CHRM3: variants seen among roughly 807,000 people sequenced by gnomAD.
CHRM3 encodes the protein muscarinic acetylcholine receptor M3.
Under a neutral mutation model 41.8 loss-of-function variants are expected in CHRM3, and 11 were observed. The ratio of observed to expected loss-of-function variants is 0.26; its 90% confidence interval spans 0.17 to 0.44. The LOEUF (loss-of-function observed/expected upper bound fraction) is 0.44. Ranked by LOEUF, CHRM3 falls within the 20% of genes least tolerant of loss-of-function variation. CHRM3 has a pLI of 1.00. For missense variants in CHRM3, 571 were observed against 745.4 expected (o/e 0.77, Z 2.72); for synonymous variants, 297 against 301.4 (o/e 0.99, Z 0.15).
At chr1:239,630,983 G>A (rs1291752072) in intron 3 of CHRM3, among the ~76,000 whole-genome samples, 1 of 152,040 alleles carries the variant, frequency 6.6e-6, no homozygotes, top group Non-Finnish European at 1.5e-5. Context: ...CTTGTTGAAA[G>A]TGGGAGAGGA....
At chr1:239,795,414 A>G (rs1441368215) in intron 5 of CHRM3, among the ~76,000 whole-genome samples, 1 of 152,164 alleles carries the variant, frequency 6.6e-6, no homozygotes, top group African/African-American at 2.4e-5. Context: ...AGTGACTTGG[A>G]CAATTAATTA....
intron 3 of CHRM3, among the ~76,000 whole-genome samples, chr1:239,558,510 T>C (rs1039720009): frequency 7.9e-5 from 12 of 152,222 alleles, no homozygotes; most frequent in Non-Finnish European, 1.6e-4. Context: ...AACATACACC[T>C]TGTGTTTAAA....
At chr1:239,689,439 AT>A (rs775974955) in intron 5 of CHRM3, among the ~76,000 whole-genome samples, 27 of 152,212 alleles carry the variant, frequency 1.8e-4, no homozygotes, top group Non-Finnish European at 2.4e-4. Flanking sequence ...GAATAAAAAT[AT>A]AAATTTCTCT....
chr1:239,811,808 A>G (rs972545436), intron 5 of CHRM3, among the ~76,000 whole-genome samples: 1 of 152,162 alleles, frequency 6.6e-6, no homozygotes, highest in African/African-American at 2.4e-5. Context: ...AGCTGTTTCA[A>G]TATTACTTTA....
intron 5 of CHRM3, among the ~76,000 whole-genome samples, chr1:239,755,926 G>GA (rs1285822730): frequency 1.3e-5 from 2 of 152,052 alleles, no homozygotes; most frequent in Non-Finnish European, 2.9e-5. Context: ...GGAATACAAA[G>GA]AAAAAAATCA....
chr1:239,595,812 C>T (rs1664711042), intron 3 of CHRM3, among the ~76,000 whole-genome samples: 1 of 152,090 alleles, frequency 6.6e-6, no homozygotes, highest in Non-Finnish European at 1.5e-5. Context: ...ACATCAGTGC[C>T]AAAATATAGC....
chr1:239,766,062 C>T (rs1021253625), intron 5 of CHRM3, among the ~76,000 whole-genome samples: 1 of 152,118 alleles, frequency 6.6e-6, no homozygotes, highest in Non-Finnish European at 1.5e-5. Context: ...GATCCACCCG[C>T]CTTGGTCTCC....
chr1:239,822,262 C>T lies in CHRM3; in HGVS notation c.-146-4990C>T, dbSNP rs897457057. ...TTGGCAACTCTTGCCCTTTTGTAAC[C>T]AACAAATGGTACCCGTAACTTGGTT... On this transcript the variant is annotated intron_variant, in intron 5 of 6. Transcript: ENST00000676153. Among the ~76,000 whole-genome samples, 7 of 152,296 alleles carry T rather than the reference C, an allele frequency of 4.6e-5. No individual in the cohort carries two copies. The East Asian group carries it at 1.4e-3, about 29-fold the overall frequency.
chr1:239,561,319 G>A (rs988514072), intron 3 of CHRM3, among the ~76,000 whole-genome samples: 1 of 152,090 alleles, frequency 6.6e-6, no homozygotes, highest in Non-Finnish European at 1.5e-5. Context: ...GGCTTGCGGA[G>A]CCCTGTATGG....
intron 6 of CHRM3, among the ~76,000 whole-genome samples, chr1:239,905,061 G>GAT (rs1174416728): frequency 6.6e-6 from 1 of 152,130 alleles, no homozygotes; most frequent in Non-Finnish European, 1.5e-5. Context: ...CATGAAAATT[G>GAT]ATTATTTTTG....
intron 5 of CHRM3, among the ~76,000 whole-genome samples, chr1:239,684,767 A>AG (rs1658955300): frequency 1.4e-5 from 2 of 143,336 alleles, no homozygotes; most frequent in Non-Finnish European, 3.2e-5. Context: ...AGAAAGAAAG[A>AG]AAGAGAAAGA....
At chr1:239,632,593 T>C (rs1669973102) in intron 4 of CHRM3, among the ~76,000 whole-genome samples, 1 of 152,236 alleles carries the variant, frequency 6.6e-6, no homozygotes, top group Admixed American at 6.5e-5. Flanking sequence ...GCAAAATGTT[T>C]GAATTATTAG....
At chr1:239,540,109 T>C (rs930722083) in intron 2 of CHRM3, among the ~76,000 whole-genome samples, 11 of 152,310 alleles carry the variant, frequency 7.2e-5, no homozygotes, top group African/African-American at 2.6e-4. Flanking sequence ...GTGCACTCTA[T>C]GACGTTTGCA....
At chr1:239,844,187 G>C (rs962793488) in intron 6 of CHRM3, among the ~76,000 whole-genome samples, 4 of 152,042 alleles carry the variant, frequency 2.6e-5, no homozygotes, top group Non-Finnish European at 5.9e-5. Flanking sequence ...CCTCCTAACA[G>C]AAATTTTGTA....
At chr1:239,815,756 C>G (rs775635344) in intron 5 of CHRM3, among the ~76,000 whole-genome samples, 1 of 152,072 alleles carries the variant, frequency 6.6e-6, no homozygotes, top group Non-Finnish European at 1.5e-5. Flanking sequence ...AGGCTGAAGG[C>G]GTTCTCATAT....
intron 4 of CHRM3, among the ~76,000 whole-genome samples, chr1:239,642,701 T>G (rs551488828): frequency 1.4e-3 from 213 of 152,284 alleles, no homozygotes; most frequent in South Asian, 4.1e-3. Flanking sequence ...CTTCTTTGCC[T>G]TTGGTTTGAA....
chr1:239,759,157 GTTTTTTTTTTTGT>G (rs748856571), intron 5 of CHRM3, among the ~76,000 whole-genome samples: 87 of 121,640 alleles, frequency 7.2e-4, no homozygotes, highest in South Asian at 1.1e-3. Context: ...AGCTTTATGG[GTTTTTTTTTTTGT>G]TTTTTTTTTT....
chr1:239,627,749 C>T (rs1020653236), intron 3 of CHRM3, among the ~76,000 whole-genome samples: 1 of 139,988 alleles, frequency 7.1e-6, no homozygotes, highest in African/African-American at 2.7e-5. Context: ...TTTTATTTCT[C>T]CTTCACTTAT....
intron 3 of CHRM3, among the ~76,000 whole-genome samples, chr1:239,627,603 G>T (rs1047722458): frequency 7.1e-6 from 1 of 139,982 alleles, no homozygotes; most frequent in East Asian, 2.1e-4. Flanking sequence ...AGTCTCGATG[G>T]TCTTTACATT....
Sources: gnomAD v4.1 joint callset for allele counts (sites outside exome capture counted in the v4.1 genomes callset) on GRCh38, gnomAD v4.1.1 for gene constraint, MANE v1.5 for transcripts, NCBI Gene and HGNC (gene_info 2026-07-23, HGNC 2026-07-21) for gene names.